PRKAG1: variants seen among roughly 807,000 people sequenced by gnomAD.
The protein encoded by PRKAG1 is protein kinase AMP-activated non-catalytic subunit gamma 1, also known as 5'-AMP-activated protein kinase subunit gamma-1.
In PRKAG1, 27 loss-of-function variants were observed where a neutral mutation model predicts 48.2. The observed-to-expected ratio is 0.56, with a 90% CI of 0.41 to 0.77. The LOEUF (loss-of-function observed/expected upper bound fraction) is 0.77. Ranked by LOEUF, PRKAG1 falls within the 30% of genes least tolerant of loss-of-function variation. The pLI, the probability that PRKAG1 is intolerant of heterozygous loss-of-function variation, is 0.00. For missense variants in PRKAG1, 287 were observed against 398.3 expected, an observed-to-expected ratio of 0.72 and a Z score of 2.38; for synonymous variants, 130 against 147.7, an observed-to-expected ratio of 0.88 and a Z score of 0.87.
At chr12:49,013,804 G>A (rs1001317273) in intron 1 of PRKAG1, among the ~76,000 whole-genome samples, 6 of 152,106 alleles carry the variant, frequency 3.9e-5, no homozygotes, top group South Asian at 4.1e-4. Context: ...AAAAAACTAC[G>A]TATACCTAAC....
At chr12:49,010,601 G>A (rs996018935) in intron 2 of PRKAG1, among the ~76,000 whole-genome samples, 2 of 152,130 alleles carry the variant, frequency 1.3e-5, no homozygotes, top group African/African-American at 4.8e-5. Context: ...ATGGGGTAGG[G>A]TGTCTTGGGA....
intron 2 of PRKAG1, 164 bp downstream of exon 2, chr12:49,012,898 C>A: frequency 1.5e-6 from 1 of 647,744 alleles, no homozygotes; most frequent in Non-Finnish European, 2.7e-6. Flanking sequence ...AAGATTTATT[C>A]CTGGGTGATC....
chr12:49,009,623 T>A (rs1353515620), intron 2 of PRKAG1, among the ~76,000 whole-genome samples: 1 of 152,068 alleles, frequency 6.6e-6, no homozygotes, highest in Non-Finnish European at 1.5e-5. Flanking sequence ...GTTGTTTTTG[T>A]TTTTTTGAGA....
At chr12:49,004,006 A>C (rs747731729) in intron 8 of PRKAG1, 84 bp from the exon 9 acceptor site, 5 of 1,498,562 alleles carry the variant, frequency 3.3e-6, no homozygotes, top group Non-Finnish European at 4.4e-6. Context: ...ATTAGAAATA[A>C]GGGCTGGGTG....
At chr12:49,009,105 G>A (rs991154101) in intron 2 of PRKAG1, among the ~76,000 whole-genome samples, 9 of 148,218 alleles carry the variant, frequency 6.1e-5, no homozygotes, top group African/African-American at 2.2e-4. Flanking sequence ...GTGGGTTGTT[G>A]GAATCTTTCC....
At position 49,018,678 on chromosome 12, in the gene PRKAG1, G is replaced by T. The variant is rs373305644; in HGVS notation, c.9+54C>A. 24 of 1,610,842 alleles carry T rather than the reference G, an allele frequency of 1.5e-5. No individual in the cohort carries two copies. The South Asian group carries it at 2.0e-4, about 13-fold the overall frequency. On this transcript the variant is annotated intron_variant, in intron 1 of 11. Coordinates refer to ENST00000548065, the MANE Select transcript of PRKAG1 (RefSeq NM_002733.5). ...CGGCCCTCCCGGTCTCCTAAGGGTT[G>T]GGGGGGTGTCTTAGGCTCCACAGCG...
At chr12:49,011,766 T>C (rs1941770805) in intron 2 of PRKAG1, among the ~76,000 whole-genome samples, 1 of 152,038 alleles carries the variant, frequency 6.6e-6, no homozygotes, top group Non-Finnish European at 1.5e-5. Context: ...TCCACCATGT[T>C]GATCAGACTG....
chr12:49,014,430 C>G (rs949052646), intron 1 of PRKAG1, among the ~76,000 whole-genome samples: 7 of 152,232 alleles, frequency 4.6e-5, no homozygotes, highest in African/African-American at 1.4e-4. Flanking sequence ...CTACAAGATT[C>G]TCACAGATCT....
At chr12:49,011,052 A>G (rs1941738400) in intron 2 of PRKAG1, among the ~76,000 whole-genome samples, 1 of 152,170 alleles carries the variant, frequency 6.6e-6, no homozygotes, top group Non-Finnish European at 1.5e-5. Context: ...CATGTTGGCC[A>G]GGCTGGTCTC....
At chr12:49,012,806 C>T (rs899670256) in intron 2 of PRKAG1, 2 of 477,304 alleles carry the variant, frequency 4.2e-6, no homozygotes, top group Admixed American at 3.6e-5. Context: ...CCCAGAGTTG[C>T]CTATGGAAGT....
intron 1 of PRKAG1, among the ~76,000 whole-genome samples, chr12:49,015,763 A>T (rs991595064): frequency 1.3e-5 from 2 of 151,936 alleles, no homozygotes; most frequent in African/African-American, 4.8e-5. Flanking sequence ...TTTTTAGTAG[A>T]GACGGGGTTT....
intron 7 of PRKAG1, 143 bp from the exon 8 acceptor site, chr12:49,004,776 AGAGAGAGAGAGAGTGAGAAT>A: frequency 7.4e-7 from 1 of 1,357,560 alleles, no homozygotes; most frequent in African/African-American, 1.4e-5. Flanking sequence ...AGAGAAAGAG[AGAGAGAGAGAGAGTGAGAAT>A]GAGAGAGAGA....
At chr12:49,008,928 C>T (rs1258845798) in intron 2 of PRKAG1, among the ~76,000 whole-genome samples, 1 of 152,088 alleles carries the variant, frequency 6.6e-6, no homozygotes, top group Admixed American at 6.6e-5. Context: ...GCTGAATATT[C>T]GATGGGTCCT....
chr12:49,004,957 AACTC>A lies in PRKAG1; in HGVS notation c.410+3_410+6del. The A allele has an allele frequency of 6.2e-7, 1 of 1,613,596 alleles. No individual in the cohort carries two copies. Among genetic ancestry groups the A allele is most frequent in the Non-Finnish European group, 8.5e-7 (1 of 1,179,760 alleles). On this transcript the variant is annotated splice_donor_5th_base_variant and intron_variant, in intron 7 of 11. Coordinates refer to ENST00000548065, the MANE Select transcript of PRKAG1 (RefSeq NM_002733.5). ...GCTTTTTGGACAGATGGGTAACTGG[AACTC>A]ACCTGGCATTAGGAGAAATGCAGAC...
intron 1 of PRKAG1, chr12:49,017,491 C>T (rs374381073): frequency 6.8e-5 from 18 of 266,116 alleles, no homozygotes; most frequent in Non-Finnish European, 1.1e-4. Flanking sequence ...GCATTACAGG[C>T]GTGAGCCACC....
At chr12:49,015,176 T>C (rs967901277) in intron 1 of PRKAG1, among the ~76,000 whole-genome samples, 14 of 152,132 alleles carry the variant, frequency 9.2e-5, no homozygotes, top group Non-Finnish European at 1.3e-4. Context: ...CCTCATCACT[T>C]ATAAGTGGGA....
At chr12:49,009,948 A>G (rs2137669272) in intron 2 of PRKAG1, among the ~76,000 whole-genome samples, 1 of 152,350 alleles carries the variant, frequency 6.6e-6, no homozygotes, top group South Asian at 2.1e-4. Flanking sequence ...TTTCACAGGT[A>G]TTGAGAAATA....
At chr12:49,015,817 C>G (rs1055010376) in intron 1 of PRKAG1, among the ~76,000 whole-genome samples, 1 of 152,026 alleles carries the variant, frequency 6.6e-6, no homozygotes, top group Non-Finnish European at 1.5e-5. Flanking sequence ...ACCTCGTGAT[C>G]CACCCGCCTC....
In PRKAG1 at chr12:49,005,565, T is replaced by A. The variant is rs1465321295; in HGVS notation, c.169-22A>T. The A allele has an allele frequency of 1.2e-6, 2 of 1,613,902 alleles. No individual in the cohort carries two copies. Among genetic ancestry groups the A allele is most frequent in the African/African-American group, 2.7e-5 (2 of 74,896 alleles). On this transcript the variant is annotated intron_variant, in intron 3 of 11. Coordinates refer to ENST00000548065, the MANE Select transcript of PRKAG1 (RefSeq NM_002733.5). The surrounding 1 kb of genome is among the most constrained non-coding windows in gnomAD (Gnocchi z 4.1). ...TCACCTGTAGCCAAGACAGTAATAA[T>A]CATAAAGGCAAATCCACAGGGGCAG...
Sources: allele counts gnomAD v4.1 joint callset (sites outside exome capture counted in the v4.1 genomes callset), GRCh38; gene constraint gnomAD v4.1.1; non-coding constraint Gnocchi (gnomAD v3.1); transcripts MANE v1.5; gene names NCBI Gene and HGNC (gene_info 2026-07-23, HGNC 2026-07-21).